The following FBN2 variants were observed in gnomAD, a reference collection of about 807,000 sequenced individuals.
FBN2 encodes the protein fibrillin 2.
In FBN2, 105 loss-of-function variants were observed where a neutral mutation model predicts 355.6. The observed-to-expected ratio is 0.30, with a 90% CI of 0.25 to 0.35. The LOEUF is 0.35. FBN2 is among the 10% of genes least tolerant of loss of function. The pLI, the probability that FBN2 is intolerant of heterozygous loss-of-function variation, is 1.00. For missense variants in FBN2, 3,280 were observed against 3,758.7 expected, an observed-to-expected ratio of 0.87 and a Z score of 3.33; for synonymous variants, 1,350 against 1,301.2, an observed-to-expected ratio of 1.04 and a Z score of -0.81.
In FBN2 at chr5:128,529,679, G is replaced by A. The variant is rs181624677; in HGVS notation, c.436+916C>T. On this transcript the variant is annotated intron_variant, in intron 3 of 64. Transcript: ENST00000262464. ...ATGAGAAAACTAGGAACAGGATAATGAACATACTGGCAACAGTATCTTGTA... is the reference window on the plus strand; with the variant it reads ...ATGAGAAAACTAGGAACAGGATAATAAACATACTGGCAACAGTATCTTGTA... Among the ~76,000 whole-genome samples the A allele has an allele frequency of 1.4e-4, 21 of 152,334 alleles. No individual in the cohort carries two copies. The East Asian group carries it at 3.5e-3, about 25-fold the overall frequency.
chr5:128,507,450 G>A (rs1369016324), intron 5 of FBN2, among the ~76,000 whole-genome samples: 3 of 151,936 alleles, frequency 2.0e-5, no homozygotes, highest in Admixed American at 2.0e-4. Context: ...ATAATACAAG[G>A]TAAATGCTAT....
chr5:128,415,574 T>C (rs1014618305), intron 7 of FBN2, among the ~76,000 whole-genome samples: 2 of 152,196 alleles, frequency 1.3e-5, no homozygotes, highest in African/African-American at 4.8e-5. Flanking sequence ...TCATTGTGTA[T>C]ATATATCACA....
At chr5:128,335,877 T>A (rs369591122) in intron 28 of FBN2, 111 bp downstream of exon 28, 17 of 1,183,396 alleles carry the variant, frequency 1.4e-5, no homozygotes, top group Middle Eastern at 2.1e-4. Flanking sequence ...TAGTCTTACA[T>A]TCATTTTTGG....
chr5:128,521,831 G>A lies in FBN2; in HGVS notation c.533-2463C>T, dbSNP rs540213905. ...CCAATTCGCAGGTAGAACAAGGCTGGATGAACCTTGAGTTTCTCCTAGAAA... is the reference window on the plus strand; with the variant it reads ...CCAATTCGCAGGTAGAACAAGGCTGAATGAACCTTGAGTTTCTCCTAGAAA... On this transcript the variant is annotated intron_variant, in intron 4 of 64. Coordinates refer to ENST00000262464, the MANE Select transcript of FBN2 (RefSeq NM_001999.4). Among the ~76,000 whole-genome samples the A allele has an allele frequency of 1.4e-3, 219 of 152,230 alleles. 1 individual carries two copies. The highest frequency in any genetic ancestry group is 3.4e-3 in the Middle Eastern group (1 of 294).
chr5:128,357,285 T>A lies in FBN2; in HGVS notation c.2665A>T (p.Ile889Phe). Residue 889 changes from isoleucine to phenylalanine, a missense_variant, in exon 20 of 65, where the codon ATC becomes TTC. Ile to Phe is a conservative substitution (Grantham distance 21). Around this residue, in one of 6 missense-constraint regions of FBN2, gnomAD observed 2,284 missense variants for 2,749.5 expected, o/e 0.83. Coordinates refer to ENST00000262464, the MANE Select transcript of FBN2 (RefSeq NM_001999.4). ...PGSKLSSTGL[I>F]CIDSLKGTCW... is the part of the protein sequence containing the mutation. The stretch of plus-strand genomic sequence containing the variant: ...TGTGTATGAATCTTACCAATACAGA[T>A]CAATCCTGTGGAGCTGAGTTTGCTG... 3.7e-6 allele frequency: 6 copies of A among 1,613,904 alleles called. No individual in the cohort carries two copies. Among genetic ancestry groups the A allele is most frequent in the Non-Finnish European group, 5.1e-6 (6 of 1,179,810 alleles).
Position 128,289,823 on chromosome 5 carries a change from T to G in FBN2, c.6511+59A>C, listed in dbSNP as rs1213343311. The G allele has an allele frequency of 4.1e-6, 4 of 972,434 alleles. No individual in the cohort carries two copies. The African/African-American group carries it at 6.5e-5, about 16-fold the overall frequency. 60.2% of individuals were successfully genotyped at this position (972,434 alleles called of 1,614,324 possible). A position where few individuals can be genotyped will look rare whatever the true frequency, so the allele number is the denominator to read the frequency against. ...AAGTTAGCATGAGTTATAAAATAAA[T>G]GTAAAATAATACGTGTGTATTAAAT... On this transcript the variant is annotated intron_variant, in intron 51 of 64. Coordinates refer to ENST00000262464, the MANE Select transcript of FBN2 (RefSeq NM_001999.4).
chr5:128,501,759 G>A (rs1304835236), intron 5 of FBN2, among the ~76,000 whole-genome samples: 4 of 152,050 alleles, frequency 2.6e-5, no homozygotes, highest in Non-Finnish European at 4.4e-5. Flanking sequence ...TATCTTATAT[G>A]ATTATAAAAC....
At chr5:128,531,904 A>G (rs1756720135) in intron 2 of FBN2, among the ~76,000 whole-genome samples, 1 of 152,160 alleles carries the variant, frequency 6.6e-6, no homozygotes, top group South Asian at 2.1e-4. Flanking sequence ...TAAATCTTTA[A>G]TTGTCTTATC....
At chr5:128,475,700 T>C (rs1386398712) in intron 5 of FBN2, among the ~76,000 whole-genome samples, 1 of 152,156 alleles carries the variant, frequency 6.6e-6, no homozygotes, top group Admixed American at 6.5e-5. Flanking sequence ...GATCTCTGAA[T>C]TTCTGAACTC....
At chr5:128,444,096 C>T (rs1283387159) in intron 7 of FBN2, among the ~76,000 whole-genome samples, 23 of 115,210 alleles carry the variant, frequency 2.0e-4, no homozygotes, top group Admixed American at 6.1e-4. Flanking sequence ...GACGGAGTCT[C>T]GCTCTGTCGC....
chr5:128,315,888 C>T (rs1055550255), intron 36 of FBN2, among the ~76,000 whole-genome samples: 3 of 152,180 alleles, frequency 2.0e-5, no homozygotes, highest in African/African-American at 7.2e-5. Flanking sequence ...AGTTTGAAAA[C>T]ATTCACCTAG....
chr5:128,494,702 G>C (rs1186087006), intron 5 of FBN2, among the ~76,000 whole-genome samples: 1 of 152,170 alleles, frequency 6.6e-6, no homozygotes, highest in Non-Finnish European at 1.5e-5. Context: ...GTTCAAGACT[G>C]TGCCTCTGGG....
chr5:128,285,280 T>C (rs116103845), intron 55 of FBN2, among the ~76,000 whole-genome samples: 3,009 of 152,348 alleles, frequency 0.02, 46 homozygotes, highest in Non-Finnish European at 0.031. Context: ...CTGACTTTTG[T>C]AAATACTTTT....
At chr5:128,306,843 G>A (rs559725929) in intron 42 of FBN2, among the ~76,000 whole-genome samples, 1 of 152,308 alleles carries the variant, frequency 6.6e-6, no homozygotes, top group East Asian at 1.9e-4. Context: ...TTAGAGTCAT[G>A]TAATACAATG....
chr5:128,378,752 T>G lies in FBN2; in HGVS notation c.1723+19A>C. The G allele has an allele frequency of 1.2e-6, 2 of 1,612,586 alleles. No individual in the cohort carries two copies. Among genetic ancestry groups the G allele is most frequent in the East Asian group, 2.2e-5 (1 of 44,818 alleles). ...ATATTTCATGGAACATTTTCATATG[T>G]GAAAGCAAACTGCCTTACCAATGCA... is the stretch of plus-strand genomic sequence containing the variant. On this transcript the variant is annotated intron_variant, in intron 12 of 64. Transcript: ENST00000262464.
chr5:128,415,137 T>C (rs1753162312), intron 7 of FBN2, among the ~76,000 whole-genome samples: 1 of 152,180 alleles, frequency 6.6e-6, no homozygotes, highest in African/African-American at 2.4e-5. Context: ...ACGCACAGAA[T>C]GTGTAATGAT....
rs916565243 is a variant in FBN2, at chr5:128,294,457, G to A, written c.6167-2803C>T. Among the ~76,000 whole-genome samples the A allele has an allele frequency of 4.9e-3, 753 of 152,164 alleles. 8 individuals are homozygous for A. The highest frequency in any genetic ancestry group is 0.017 in the African/African-American group (718 of 41,504). On this transcript the variant is annotated intron_variant, in intron 48 of 64. Coordinates refer to ENST00000262464, the MANE Select transcript of FBN2 (RefSeq NM_001999.4). ...GAACTAGTTTACAGTCCCACCAACA[G>A]TGTAAAAGTGTTCCTATTTCTCCAC... is the stretch of plus-strand genomic sequence containing the variant.
intron 23 of FBN2, among the ~76,000 whole-genome samples, chr5:128,347,392 A>G (rs1330958010): frequency 6.6e-6 from 1 of 152,220 alleles, no homozygotes; most frequent in East Asian, 1.9e-4. Context: ...ACGTCAGTAC[A>G]CTGGCCACAT....
chr5:128,433,228 T>C lies in FBN2; in HGVS notation c.952+13253A>G, dbSNP rs1753671038. Among the ~76,000 whole-genome samples the C allele has an allele frequency of 2.0e-5, 3 of 152,292 alleles. No individual in the cohort carries two copies. In the South Asian group the frequency reaches 6.2e-4, roughly 32 times the overall value. The stretch of plus-strand genomic sequence containing the variant: ...CATTTGGGTGAGGTTTACACAACAA[T>C]GGCAGGTCAGGAACTTATTTGGGAA... On this transcript the variant is annotated intron_variant, in intron 7 of 64. Coordinates refer to ENST00000262464, the MANE Select transcript of FBN2 (RefSeq NM_001999.4).
Sources: gnomAD v4.1 joint callset for allele counts (sites outside exome capture counted in the v4.1 genomes callset) on GRCh38, gnomAD v4.1.1 for gene constraint, gnomAD v4.1.1 regional missense constraint, MANE v1.5 for transcripts, NCBI Gene and HGNC (gene_info 2026-07-23, HGNC 2026-07-21) for gene names.